The following F8 variants were observed in gnomAD, a reference collection of about 807,000 sequenced individuals.
F8 encodes the protein antihemophilic factor.
In F8, 12 loss-of-function variants were observed where a neutral mutation model predicts 140.6. That is an observed-to-expected ratio of 0.09 (90% CI 0.05 to 0.14). The LOEUF is 0.14. Among genes scored for constraint, F8 ranks in the 10% least tolerant of loss-of-function variants. The pLI is 1.00. For missense variants in F8, 1,354 were observed against 1,720.7 expected (o/e 0.79, Z 3.77); for synonymous variants, 585 against 614.6 (o/e 0.95, Z 0.71).
intron 1 of F8, among the ~76,000 whole-genome samples, chrX:155,021,212 A>G (rs2073758656): frequency 9.0e-6 from 1 of 110,688 alleles, no homozygotes; most frequent in Admixed American, 9.7e-5. Flanking sequence ...ATGTCCAAGA[A>G]AACCTTTGTG....
intron 1 of F8, among the ~76,000 whole-genome samples, chrX:155,012,996 A>G (rs1442446830): frequency 9.2e-6 from 1 of 108,740 alleles, no homozygotes; most frequent in Non-Finnish European, 1.9e-5. Context: ...AGTATAAAAA[A>G]TTAGCCAGGC....
Position 154,957,616 on chromosome X carries a change from C to T in F8, c.1538-445G>A, listed in dbSNP as rs181407468. Among the ~76,000 whole-genome samples the T allele has an allele frequency of 6.3e-5, 7 of 111,246 alleles. No individual in the cohort carries two copies. In the East Asian group the frequency reaches 2.0e-3, roughly 31 times the overall value. On this transcript the variant is annotated intron_variant, in intron 10 of 25. Coordinates refer to ENST00000360256, the MANE Select transcript of F8 (RefSeq NM_000132.4). ...ATTCATTCTAAGCTCTTCCTCACCT[C>T]AGTAAGTTATGCCTGACCTATGGTT... is the stretch of plus-strand genomic sequence containing the variant.
Position 154,862,000 on chromosome X carries a change from C to G in F8, c.6575-134G>C, listed in dbSNP as rs1322869301. Reference sequence around the variant, plus strand: ...TCAGGTTTTAACTTTTGCACAGATTCTGTTATTGGTTTTTTGTTTTGTTTT... The same window carrying G: ...TCAGGTTTTAACTTTTGCACAGATTGTGTTATTGGTTTTTTGTTTTGTTTT... On this transcript the variant is annotated intron_variant, in intron 23 of 25. Coordinates refer to ENST00000360256, the MANE Select transcript of F8 (RefSeq NM_000132.4). The G allele has an allele frequency of 5.2e-6, 4 of 768,670 alleles. No individual in the cohort carries two copies. The African/African-American group carries it at 8.4e-5, about 16-fold the overall frequency. The allele number at this position is 768,670 out of a possible 1,213,427, so 63.3% of individuals were successfully genotyped here. A position where few individuals can be genotyped will look rare whatever the true frequency, so the allele number is the denominator to read the frequency against.
chrX:155,022,601 C>G lies in F8; in HGVS notation c.-49G>C. ...CTGGAGAAGCAAAAGGTTAATTCTT[C>G]TCTAAAATATCTTTAGCTCCCAGGA... On this transcript the variant is annotated 5_prime_UTR_variant, in exon 1 of 26. Transcript: ENST00000360256. 1.7e-6 allele frequency: 2 copies of G among 1,210,972 alleles called. No homozygotes were observed. The highest frequency in any genetic ancestry group is 1.8e-5 in the South Asian group (1 of 56,974).
At chrX:154,928,530 G>T in intron 14 of F8, 41 bp downstream of exon 14, 1 of 1,111,093 alleles carries the variant, frequency 9.0e-7, no homozygotes, top group South Asian at 1.8e-5. Context: ...AAAGTCAAAT[G>T]TCACAAGAGC....
intron 22 of F8, among the ~76,000 whole-genome samples, chrX:154,872,998 G>T (rs1320801481): frequency 9.0e-6 from 1 of 110,859 alleles, no homozygotes; most frequent in African/African-American, 3.3e-5. Flanking sequence ...CTTGTACAAT[G>T]AAAATATAGA....
Position 154,929,496 on chromosome X carries a change from A to G in F8, c.4294T>C (p.Ser1432Pro). Residue 1432 changes from serine (S) to proline (P), a missense_variant, in exon 14 of 26, where the codon TCT (serine) becomes CCT (proline). Transcript: ENST00000360256. Reference sequence around the variant, plus strand: ...TAAGATGCTGCTGGAAGATGAGAAGAGTTGTCTTGGAATAGGACCCTGGTC... The same window carrying G: ...TAAGATGCTGCTGGAAGATGAGAAGGGTTGTCTTGGAATAGGACCCTGGTC... ...YLTRVLFQDN[S>P]SHLPAASYRK... The G allele has an allele frequency of 8.3e-7, 1 of 1,211,316 alleles. No homozygotes were observed. The highest frequency in any genetic ancestry group is 1.1e-6 in the Non-Finnish European group (1 of 895,270).
chrX:154,950,714 T>C (rs781889171), intron 12 of F8, among the ~76,000 whole-genome samples: 4 of 112,169 alleles, frequency 3.6e-5, no homozygotes, highest in Non-Finnish European at 7.5e-5. Flanking sequence ...TGTGGCAAAG[T>C]CTTTATCTCT....
At chrX:154,982,378 G>GA (rs1569559945) in intron 6 of F8, among the ~76,000 whole-genome samples, 1 of 101,312 alleles carries the variant, frequency 9.9e-6, no homozygotes, top group African/African-American at 3.6e-5. Context: ...ACCCCGGGGG[G>GA]CAGAGCCTGC....
intron 22 of F8, among the ~76,000 whole-genome samples, chrX:154,864,193 C>T (rs2072715112): frequency 8.9e-6 from 1 of 112,568 alleles, no homozygotes; most frequent in Non-Finnish European, 1.9e-5. Flanking sequence ...AACAGGCCCA[C>T]TGACTGTGGG....
intron 13 of F8, among the ~76,000 whole-genome samples, chrX:154,945,736 G>A (rs2073300399): frequency 1.8e-5 from 2 of 111,742 alleles, no homozygotes; most frequent in African/African-American, 6.5e-5. Context: ...GGAAGTCCAA[G>A]CCAGAACAAG....
intron 22 of F8, among the ~76,000 whole-genome samples, chrX:154,863,904 G>A (rs5987053): frequency 0.012 from 1,366 of 111,373 alleles, 24 homozygotes; most frequent in African/African-American, 0.042. Flanking sequence ...AATCTGGGAG[G>A]AGCAACTCCC....
chrX:155,016,658 C>T (rs2073735800), intron 1 of F8, among the ~76,000 whole-genome samples: 1 of 112,362 alleles, frequency 8.9e-6, no homozygotes. Flanking sequence ...GAATACATAC[C>T]GTATGATTCC....
chrX:154,901,969 C>T (rs868992034), intron 19 of F8, 82 bp downstream of exon 19: 3 of 637,690 alleles, frequency 4.7e-6, no homozygotes, highest in Middle Eastern at 6.0e-4. Context: ...TTTCCTGACA[C>T]AAGCAACCAT....
chrX:154,978,993 C>T (rs1226031704), intron 6 of F8, among the ~76,000 whole-genome samples: 1 of 110,844 alleles, frequency 9.0e-6, no homozygotes, highest in Non-Finnish European at 1.9e-5. Flanking sequence ...GCTGAGTGTG[C>T]TTGTCTTTGG....
At chrX:155,018,531 C>T (rs1245270566) in intron 1 of F8, among the ~76,000 whole-genome samples, 1 of 108,964 alleles carries the variant, frequency 9.2e-6, no homozygotes, top group African/African-American at 3.3e-5. Flanking sequence ...TTGAAAAGAG[C>T]ACCACCAGCA....
At chrX:154,869,334 T>A (rs1334958944) in intron 22 of F8, among the ~76,000 whole-genome samples, 1 of 111,796 alleles carries the variant, frequency 8.9e-6, no homozygotes, top group Non-Finnish European at 1.9e-5. Flanking sequence ...ATGGAAATCA[T>A]AACAAACAGT....
chrX:154,896,219 G>A lies in F8; in HGVS notation c.6287C>T (p.Ala2096Val), dbSNP rs1557275612. ...PFSWIKVDLL[A>V]PMIIHGIKTQ... Reference sequence around the variant, plus strand: ...CTTGATGCCGTGAATAATCATTGGTGCCAACAGATCCACCTACCAATTAAA... The same window carrying A: ...CTTGATGCCGTGAATAATCATTGGTACCAACAGATCCACCTACCAATTAAA... Residue 2096 changes from alanine to valine, a missense_variant, in exon 22 of 26, where the codon GCA (alanine) becomes GTA (valine). Ala to Val is a moderately conservative substitution (Grantham distance 64, BLOSUM62 0). Around this residue, in one of 4 missense-constraint regions of F8, gnomAD observed 316 missense variants for 485.4 expected, o/e 0.65. Transcript: ENST00000360256. 8.3e-7 allele frequency: 1 copy of A among 1,210,470 alleles called. No individual in the cohort carries two copies. The highest frequency in any genetic ancestry group is 1.1e-6 in the Non-Finnish European group (1 of 894,665).
intron 1 of F8, among the ~76,000 whole-genome samples, chrX:155,018,020 A>G (rs1168762459): frequency 9.4e-6 from 1 of 106,081 alleles, no homozygotes; most frequent in Non-Finnish European, 2.0e-5. Flanking sequence ...GAGCACCACC[A>G]TGCCCAGCTA....
Sources: gnomAD v4.1 joint callset for allele counts (sites outside exome capture counted in the v4.1 genomes callset) on GRCh38, gnomAD v4.1.1 for gene constraint, gnomAD v4.1.1 regional missense constraint, MANE v1.5 for transcripts, NCBI Gene and HGNC (gene_info 2026-07-23, HGNC 2026-07-21) for gene names.